The following NUDT4 variants were observed in gnomAD, a reference collection of about 807,000 sequenced individuals.
The protein encoded by NUDT4 is nudix hydrolase 4.
A neutral mutation model predicts 23.1 loss-of-function variants in NUDT4; 5 were observed. The ratio of observed to expected loss-of-function variants is 0.22; its 90% CI spans 0.11 to 0.46. The LOEUF (loss-of-function observed/expected upper bound fraction) is 0.46, where lower values mean the gene tolerates loss of function less well. NUDT4 is among the 20% of genes least tolerant of loss of function. The pLI is 0.99. For synonymous variants in NUDT4, 50 were observed against 79.0 expected, an observed-to-expected ratio of 0.63 and a Z score of 1.95; for missense variants, 96 against 211.6, an observed-to-expected ratio of 0.45 and a Z score of 3.39.
intron 1 of NUDT4, chr12:93,378,804 C>G: frequency 1.0e-6 from 1 of 999,586 alleles, no homozygotes; most frequent in Non-Finnish European, 1.2e-6. Flanking sequence ...AGTGTTGCAG[C>G]AGAGCCCTTG....
Position 93,385,941 on chromosome 12 carries a change from T to TATATATATATATATATA in NUDT4, c.99+7520_99+7521insATATATATATATATATA, listed in dbSNP as rs1565777284. 5.0e-4 allele frequency among the ~76,000 whole-genome samples: 52 copies of TATATATATATATATATA among 104,598 alleles called. 1 individual carries two copies. Among genetic ancestry groups the TATATATATATATATATA allele is most frequent in the East Asian group, 1.7e-3 (5 of 2,966 alleles). The allele number at this position is 104,598 out of a possible 152,430, so 68.6% of individuals were successfully genotyped here. On this transcript the variant is annotated intron_variant, in intron 1 of 4. Transcript: ENST00000415493. ...ATATATATATATATAGTAAATCTTTTTATATATATATATATATATATATAT... is the reference window on the plus strand; with the variant it reads ...ATATATATATATATAGTAAATCTTTTATATATATATATATATATATATATATATATATATATATATAT...
chr12:93,394,543 G>C, intron 1 of NUDT4, 66 bp from the exon 2 acceptor site: 1 of 885,358 alleles, frequency 1.1e-6, no homozygotes, highest in Non-Finnish European at 1.8e-6. Context: ...GCAGAGGTTT[G>C]AGAATGTTGT....
chr12:93,384,538 T>G (rs2120875897), intron 1 of NUDT4, among the ~76,000 whole-genome samples: 1 of 152,230 alleles, frequency 6.6e-6, no homozygotes, highest in African/African-American at 2.4e-5. Flanking sequence ...TAAAATACAC[T>G]AACATTAATG....
rs1012251798 is a variant in NUDT4 at position 93,403,255 on chromosome 12, A to G, written c.*3876A>G. The G allele has an allele frequency of 1.3e-5, 2 of 152,158 alleles. No individual in the cohort carries two copies. The highest frequency in any genetic ancestry group is 2.9e-5 in the Non-Finnish European group (2 of 68,016). 9.4% of individuals were successfully genotyped at this position (152,158 alleles called of 1,614,324 possible). On this transcript the variant is annotated 3_prime_UTR_variant, in exon 5 of 5. Transcript: ENST00000415493. Reference sequence around the variant, plus strand: ...TGATAAGAGCACAAAACAATTTTCTAATCTCAAAGAGCTTATATTCTAGTG... The same window carrying G: ...TGATAAGAGCACAAAACAATTTTCTGATCTCAAAGAGCTTATATTCTAGTG...
At chr12:93,394,786 C>CT (rs1876812302) in intron 2 of NUDT4, 67 bp downstream of exon 2, 1 of 925,024 alleles carries the variant, frequency 1.1e-6, no homozygotes, top group Non-Finnish European at 1.7e-6. Flanking sequence ...CTACATAACA[C>CT]TAAGACAGCG....
At chr12:93,393,899 A>G (rs565104982) in intron 1 of NUDT4, among the ~76,000 whole-genome samples, 5 of 152,330 alleles carry the variant, frequency 3.3e-5, no homozygotes, top group African/African-American at 1.2e-4. Context: ...TGAGGAAACA[A>G]GGTAACCTAC....
At chr12:93,383,789 G>A (rs558989716) in intron 1 of NUDT4, among the ~76,000 whole-genome samples, 7 of 152,266 alleles carry the variant, frequency 4.6e-5, no homozygotes, top group East Asian at 1.9e-4. Flanking sequence ...CTGAGATTGC[G>A]CCACTGCACT....
At chr12:93,395,867 C>T (rs530513085) in intron 3 of NUDT4, among the ~76,000 whole-genome samples, 6 of 152,208 alleles carry the variant, frequency 3.9e-5, no homozygotes, top group South Asian at 2.1e-4. Flanking sequence ...ACTACAGGCA[C>T]GCGCCACCAC....
At chr12:93,385,941 TTA>T (rs371683658) in intron 1 of NUDT4, among the ~76,000 whole-genome samples, 29,596 of 104,346 alleles carry the variant, frequency 0.28, 3,812 homozygotes, top group South Asian at 0.33. Context: ...GTAAATCTTT[TTA>T]TATATATATA....
chr12:93,404,868 T>G lies in NUDT4; in HGVS notation c.*5489T>G, dbSNP rs562230720. 1 of 152,148 alleles carries G rather than the reference T, an allele frequency of 6.6e-6. No homozygotes were observed. The highest frequency in any genetic ancestry group is 2.4e-5 in the African/African-American group (1 of 41,492). The allele number at this position is 152,148 out of a possible 1,614,324, so 9.4% of individuals were successfully genotyped here. A position where few individuals can be genotyped will look rare whatever the true frequency, so the allele number is the denominator to read the frequency against. On this transcript the variant is annotated 3_prime_UTR_variant, in exon 5 of 5. Transcript: ENST00000415493. The stretch of plus-strand genomic sequence containing the variant: ...GCCAAACCCCACCCCACTGCCTGTT[T>G]GTACGGCCAACAAGTTTAAAATTTT...
At chr12:93,387,077 G>T (rs751906875) in intron 1 of NUDT4, among the ~76,000 whole-genome samples, 2 of 151,816 alleles carry the variant, frequency 1.3e-5, no homozygotes, top group Non-Finnish European at 2.9e-5. Context: ...GATTACAGGC[G>T]TGCACCACCA....
intron 1 of NUDT4, among the ~76,000 whole-genome samples, chr12:93,392,243 TCC>T (rs377016882): frequency 0.015 from 1,740 of 118,462 alleles, 42 homozygotes; most frequent in Non-Finnish European, 0.017. Context: ...TTCCTTTGTT[TCC>T]CCCCCCCCCT....
At chr12:93,395,783 C>G (rs1876888685) in intron 3 of NUDT4, among the ~76,000 whole-genome samples, 1 of 152,088 alleles carries the variant, frequency 6.6e-6, no homozygotes, top group South Asian at 2.1e-4. Flanking sequence ...TTCAGTGGTG[C>G]AATCTTGGCT....
rs552855793 is a variant in NUDT4, at chr12:93,397,931, C to T, written c.256-840C>T. 3.2e-4 allele frequency among the ~76,000 whole-genome samples: 49 copies of T among 152,270 alleles called. No homozygotes were observed. In the South Asian group the frequency reaches 9.7e-3, roughly 30 times the overall value. The stretch of plus-strand genomic sequence containing the variant: ...TCCTAAAGGAAGCAGTTTTCCATGT[C>T]ATTGAAAGGTTGTCAGGATTAGCCC... On this transcript the variant is annotated intron_variant, in intron 3 of 4. Coordinates refer to ENST00000415493, the MANE Select transcript of NUDT4 (RefSeq NM_019094.6).
At chr12:93,378,750 G>A in intron 1 of NUDT4, 1 of 1,046,668 alleles carries the variant, frequency 9.6e-7, no homozygotes, top group East Asian at 7.1e-5. Context: ...TTGAAAGCCG[G>A]ATAAACCTCG....
At chr12:93,385,895 A>G (rs1030306690) in intron 1 of NUDT4, among the ~76,000 whole-genome samples, 9 of 145,784 alleles carry the variant, frequency 6.2e-5, no homozygotes, top group African/African-American at 2.3e-4. Context: ...TTGATTTTAG[A>G]TTTCTGCATG....
Position 93,408,137 on chromosome 12 carries a change from G to A in NUDT4, c.*8758G>A, listed in dbSNP as rs1297252134. ...GGCAGTAAATGTTGATTTCTATTTC[G>A]TTTCTTGAAGTTTTGTGTGGTTCAT... On this transcript the variant is annotated 3_prime_UTR_variant, in exon 5 of 5. Coordinates refer to ENST00000415493, the MANE Select transcript of NUDT4 (RefSeq NM_019094.6). 3 of 152,022 alleles carry A rather than the reference G, an allele frequency of 2.0e-5. No homozygotes were observed. The highest frequency in any genetic ancestry group is 4.4e-5 in the Non-Finnish European group (3 of 68,000). The allele number at this position is 152,022 out of a possible 1,614,324, so 9.4% of individuals were successfully genotyped here.
chr12:93,378,260 G>A lies in NUDT4; in HGVS notation c.-63G>A. 1.7e-6 allele frequency: 1 copy of A among 597,336 alleles called. No individual in the cohort carries two copies. The highest frequency in any genetic ancestry group is 2.4e-6 in the Non-Finnish European group (1 of 417,148). The allele number at this position is 597,336 out of a possible 1,614,324, so 37.0% of individuals were successfully genotyped here. On this transcript the variant is annotated 5_prime_UTR_variant, in exon 1 of 5. Coordinates refer to ENST00000415493, the MANE Select transcript of NUDT4 (RefSeq NM_019094.6). ...CTCGCCCCCACTCCCCGGCGGGGTG[G>A]CGGCGGCCGGGCCCCCACGGCGGCG...
intron 1 of NUDT4, among the ~76,000 whole-genome samples, chr12:93,380,721 C>T (rs1398565635): frequency 6.6e-6 from 1 of 152,176 alleles, no homozygotes; most frequent in Admixed American, 6.5e-5. Context: ...AGAATAAACT[C>T]TGTTAGCTTT....
Sources: allele counts gnomAD v4.1 joint callset (sites outside exome capture counted in the v4.1 genomes callset), GRCh38; gene constraint gnomAD v4.1.1; transcripts MANE v1.5; gene names NCBI Gene and HGNC (gene_info 2026-07-23, HGNC 2026-07-21).